The following TMEM74 variants were observed in gnomAD, a reference collection of about 807,000 sequenced individuals.
TMEM74 encodes transmembrane protein 74.
A neutral mutation model predicts 18.1 loss-of-function variants in TMEM74; 13 were observed. The ratio of observed to expected loss-of-function variants is 0.72; its 90% confidence interval spans 0.47 to 1.14. The LOEUF (loss-of-function observed/expected upper bound fraction) is 1.14, where lower values mean the gene tolerates loss of function less well. TMEM74 is among the 50% of genes most tolerant of loss of function. The pLI is 0.00. For missense variants in TMEM74, 372 were observed against 375.9 expected, an observed-to-expected ratio of 0.99 and a Z score of 0.09; for synonymous variants, 159 against 146.6, an observed-to-expected ratio of 1.08 and a Z score of -0.61.
intron 1 of TMEM74, among the ~76,000 whole-genome samples, chr8:108,770,942 TTTTTC>T (rs1189324922): frequency 6.6e-6 from 1 of 152,058 alleles, no homozygotes; most frequent in Non-Finnish European, 1.5e-5. Context: ...ATCAATCCCA[TTTTTC>T]TGGTCTCACT....
At chr8:108,766,712 C>T (rs1814111536) in intron 1 of TMEM74, among the ~76,000 whole-genome samples, 1 of 152,124 alleles carries the variant, frequency 6.6e-6, no homozygotes, top group African/African-American at 2.4e-5. Context: ...TCACAGTAGG[C>T]TGTCTGCAAG....
chr8:108,723,108 T>C (rs189537983), intron 1 of TMEM74, among the ~76,000 whole-genome samples: 56 of 152,252 alleles, frequency 3.7e-4, no homozygotes, highest in African/African-American at 1.3e-3. Flanking sequence ...ATTTGACCCT[T>C]AGAGGGAGCT....
rs143752578 is a variant in TMEM74 at position 108,640,596 on chromosome 8, A to G, written n.264+14697T>C. Among the ~76,000 whole-genome samples, 115 of 152,108 alleles carry G rather than the reference A, an allele frequency of 7.6e-4. 4 individuals carry two copies. The highest frequency in any genetic ancestry group is 2.7e-3 in the African/African-American group (112 of 41,506). ...ATCTGTGGAAGAACCTTGGATATTT[A>G]CTTATTTCAGGCTCAGGGCATTAAA... On this transcript the variant is annotated intron_variant and non_coding_transcript_variant, in intron 2 of 3. Transcript: ENST00000518838.
At chr8:108,755,972 T>C (rs1813955796) in intron 1 of TMEM74, among the ~76,000 whole-genome samples, 1 of 152,066 alleles carries the variant, frequency 6.6e-6, no homozygotes, top group Non-Finnish European at 1.5e-5. Context: ...CTTCTTATTT[T>C]ACGTTTGCCA....
intron 1 of TMEM74, among the ~76,000 whole-genome samples, chr8:108,655,667 C>T (rs1434151905): frequency 6.6e-6 from 1 of 152,082 alleles, no homozygotes; most frequent in African/African-American, 2.4e-5. Context: ...CAATTCCCAC[C>T]CTTGGCCATT....
rs1423222431 is a variant in TMEM74 at position 108,782,365 on chromosome 8, G to GT, written c.*1815dup. The stretch of plus-strand genomic sequence containing the variant: ...CTCAATTCTTTCTTTTCAGTAATCA[G>GT]TATTGCTCTATAACATAAGGCAATT... On this transcript the variant is annotated 3_prime_UTR_variant, in exon 2 of 2. Transcript: ENST00000297459. Among the ~76,000 whole-genome samples the GT allele has an allele frequency of 6.6e-6, 1 of 152,132 alleles. No individual in the cohort carries two copies. Among genetic ancestry groups the GT allele is most frequent in the African/African-American group, 2.4e-5 (1 of 41,414 alleles).
At chr8:108,677,390 A>C (rs778186753) in intron 1 of TMEM74, among the ~76,000 whole-genome samples, 1 of 152,222 alleles carries the variant, frequency 6.6e-6, no homozygotes, top group African/African-American at 2.4e-5. Flanking sequence ...AATGAGGAAC[A>C]TTAACATATA....
In TMEM74 at chr8:108,784,583, C is replaced by T. The variant is rs770958805; in HGVS notation, c.516G>A (p.Lys172=). The change falls in exon 2 of 2, where the codon AAG becomes AAA. Residue 172 remains lysine (K), a synonymous_variant. Coordinates refer to ENST00000297459, the MANE Select transcript of TMEM74 (RefSeq NM_153015.3). ...DTSSEATSSG[K]SIDYGFISAI... The stretch of plus-strand genomic sequence containing the variant: ...CGCTGATGAAACCATAGTCTATAGA[C>T]TTCCCTGAAGACGTGGCTTCTGAAC... 6.6e-5 allele frequency: 107 copies of T among 1,614,052 alleles called. No individual in the cohort carries two copies. Among genetic ancestry groups the T allele is most frequent in the Non-Finnish European group, 8.8e-5 (104 of 1,180,044 alleles).
chr8:108,683,313 A>C (rs1057285234), intron 1 of TMEM74, among the ~76,000 whole-genome samples: 2 of 151,644 alleles, frequency 1.3e-5, no homozygotes, highest in African/African-American at 4.8e-5. Flanking sequence ...TAAAAAACAG[A>C]AAATAAAAGA....
chr8:108,623,125 A>G (rs2130544899), intron 2 of TMEM74, among the ~76,000 whole-genome samples: 1 of 151,982 alleles, frequency 6.6e-6, no homozygotes, highest in Non-Finnish European at 1.5e-5. Flanking sequence ...TTGGTCCTCT[A>G]CTCCTTGTTT....
At chr8:108,769,873 C>A (rs1586291909) in intron 1 of TMEM74, among the ~76,000 whole-genome samples, 2 of 151,736 alleles carry the variant, frequency 1.3e-5, no homozygotes, top group Non-Finnish European at 2.9e-5. Flanking sequence ...GTTTTCCCTT[C>A]AACAGTCTCA....
At chr8:108,623,157 C>A (rs1812460024) in intron 2 of TMEM74, among the ~76,000 whole-genome samples, 1 of 152,038 alleles carries the variant, frequency 6.6e-6, no homozygotes, top group Non-Finnish European at 1.5e-5. Context: ...AGTGTAAATG[C>A]TTTTAAATTA....
At chr8:108,717,685 C>T (rs534553383) in intron 1 of TMEM74, among the ~76,000 whole-genome samples, 5 of 151,620 alleles carry the variant, frequency 3.3e-5, no homozygotes, top group Non-Finnish European at 7.4e-5. Context: ...CTAGAAGGGG[C>T]GAGGGAATGG....
intron 1 of TMEM74, among the ~76,000 whole-genome samples, chr8:108,771,183 G>A (rs1814167154): frequency 6.6e-6 from 1 of 152,064 alleles, no homozygotes; most frequent in South Asian, 2.1e-4. Context: ...GCATAGTTAA[G>A]TATATGGACT....
intron 1 of TMEM74, among the ~76,000 whole-genome samples, chr8:108,655,994 A>T (rs1345322698): frequency 3.9e-5 from 6 of 152,086 alleles, no homozygotes; most frequent in Non-Finnish European, 7.4e-5. Flanking sequence ...ATAATCCCAC[A>T]CTCATGAGTG....
At chr8:108,660,700 C>T (rs553446156) in intron 1 of TMEM74, among the ~76,000 whole-genome samples, 2 of 152,294 alleles carry the variant, frequency 1.3e-5, no homozygotes, top group South Asian at 4.2e-4. Flanking sequence ...ATCATTCACA[C>T]ATCATAAACC....
At chr8:108,679,864 G>A (rs1433659041) in intron 1 of TMEM74, among the ~76,000 whole-genome samples, 4 of 152,072 alleles carry the variant, frequency 2.6e-5, no homozygotes, top group African/African-American at 9.7e-5. Flanking sequence ...TTTCTTCTAG[G>A]ATTTTTATGG....
chr8:108,777,958 G>A (rs1442747779), downstream of TMEM74, among the ~76,000 whole-genome samples: 1 of 152,056 alleles, frequency 6.6e-6, no homozygotes, highest in Non-Finnish European at 1.5e-5. Context: ...AATCATATAG[G>A]TAATATATTA....
chr8:108,623,294 G>A (rs1454243010), intron 2 of TMEM74, among the ~76,000 whole-genome samples: 2 of 152,082 alleles, frequency 1.3e-5, no homozygotes, highest in African/African-American at 4.8e-5. Flanking sequence ...TATTAAGAGT[G>A]TTGTCTTTGG....
Sources: allele counts gnomAD v4.1 joint callset (sites outside exome capture counted in the v4.1 genomes callset), GRCh38; gene constraint gnomAD v4.1.1; transcripts MANE v1.5; gene names NCBI Gene and HGNC (gene_info 2026-07-23, HGNC 2026-07-21).